Variants in SGCE observed in about 807,000 individuals in gnomAD.
The protein encoded by SGCE is sarcoglycan epsilon.
In SGCE, 26 loss-of-function variants were observed where a neutral mutation model predicts 57.8. That is an observed-to-expected ratio of 0.45 (90% confidence interval 0.33 to 0.62). SGCE has a LOEUF of 0.62. SGCE is among the 20% of genes least tolerant of loss of function. SGCE has a pLI of 0.02. For missense variants in SGCE, 468 were observed against 548.6 expected, an observed-to-expected ratio of 0.85 and a Z score of 1.47; for synonymous variants, 183 against 189.5, an observed-to-expected ratio of 0.97 and a Z score of 0.28.
At chr7:94,609,897 C>T (rs1036177608) in intron 5 of SGCE, among the ~76,000 whole-genome samples, 1 of 152,124 alleles carries the variant, frequency 6.6e-6, no homozygotes, top group Non-Finnish European at 1.5e-5. Context: ...CACACAAAAG[C>T]CTGCACATGG....
At chr7:94,599,748 A>AT (rs1033031886) in intron 7 of SGCE, 25 bp from the exon 8 acceptor site, 5 of 1,462,908 alleles carry the variant, frequency 3.4e-6, no homozygotes, top group Non-Finnish European at 3.8e-6. Context: ...AAATTTATGA[A>AT]TTAAATAATA....
chr7:94,627,129 A>G (rs1339306488), intron 3 of SGCE: 1 of 152,064 alleles, frequency 6.6e-6, no homozygotes, highest in African/African-American at 2.4e-5. Context: ...ATAGATAGAA[A>G]TCACTGAACA....
In SGCE at chr7:94,588,392, G is replaced by A. The variant is rs1036543262; in HGVS notation, c.1297+297C>T. 1.1e-5 allele frequency: 13 copies of A among 1,173,102 alleles called. No homozygotes were observed. The East Asian group carries it at 6.0e-4, about 54-fold the overall frequency. 72.7% of individuals were successfully genotyped at this position (1,173,102 alleles called of 1,614,324 possible). A position where few individuals can be genotyped will look rare whatever the true frequency, so the allele number is the denominator to read the frequency against. ...CCAAGCTAAGAATCTTTCATACCAA[G>A]GGGAAGAATAGGGAACTTCACTGAA... On this transcript the variant is annotated intron_variant, in intron 10 of 10. Coordinates refer to ENST00000648936, the MANE Select transcript of SGCE (RefSeq NM_003919.3).
At chr7:94,654,636 T>C (rs949893776) in intron 1 of SGCE, among the ~76,000 whole-genome samples, 8 of 152,194 alleles carry the variant, frequency 5.3e-5, no homozygotes, top group Admixed American at 1.3e-4. Flanking sequence ...GGGCATTTTC[T>C]AATAAAAAGT....
intron 5 of SGCE, among the ~76,000 whole-genome samples, chr7:94,606,521 T>C (rs1800166831): frequency 6.6e-6 from 1 of 152,164 alleles, no homozygotes; most frequent in Non-Finnish European, 1.5e-5. Context: ...ATGAATCCAC[T>C]ATTATAGCTG....
At chr7:94,630,236 CT>C (rs1372936746) in intron 1 of SGCE, among the ~76,000 whole-genome samples, 2 of 151,480 alleles carry the variant, frequency 1.3e-5, no homozygotes, top group Admixed American at 6.6e-5. Context: ...TTCTTCTTTC[CT>C]TTTTTTTAAA....
chr7:94,650,063 C>T (rs1249435859), intron 1 of SGCE, among the ~76,000 whole-genome samples: 4 of 152,130 alleles, frequency 2.6e-5, no homozygotes, highest in Non-Finnish European at 5.9e-5. Context: ...GATCACCATA[C>T]AGGAAAGAAA....
chr7:94,651,153 C>T (rs1039466111), intron 1 of SGCE, among the ~76,000 whole-genome samples: 2 of 152,150 alleles, frequency 1.3e-5, no homozygotes, highest in African/African-American at 2.4e-5. Flanking sequence ...AGAACTGCCA[C>T]CATACAAAGT....
chr7:94,587,466 C>T (rs1797058666), intron 10 of SGCE: 14 of 1,234,920 alleles, frequency 1.1e-5, no homozygotes, highest in Non-Finnish European at 1.2e-5. Context: ...AGGTTAATAA[C>T]GAAGAAGTTC....
rs1343841524 is a variant in SGCE, at chr7:94,623,748, CAA to C, written c.391-353_391-352del. ...ATGTTCTAAGATTTCAAAAAAAAAA[CAA>C]TAATTTTTGTACTTTTAAATGGAGT... On this transcript the variant is annotated intron_variant, in intron 3 of 10. Transcript: ENST00000648936. 3 of 390,904 alleles carry C rather than the reference CAA, an allele frequency of 7.7e-6. No individual in the cohort carries two copies. The East Asian group carries it at 1.1e-4, about 14-fold the overall frequency. 24.2% of individuals were successfully genotyped at this position (390,904 alleles called of 1,614,324 possible).
intron 6 of SGCE, among the ~76,000 whole-genome samples, chr7:94,601,798 A>G (rs1799317776): frequency 6.6e-6 from 1 of 152,084 alleles, no homozygotes; most frequent in Admixed American, 6.6e-5. Context: ...TTTGTCCTGC[A>G]CATTGGCGGC....
chr7:94,630,296 T>C (rs73425456), intron 1 of SGCE, among the ~76,000 whole-genome samples: 245 of 152,012 alleles, frequency 1.6e-3, no homozygotes, highest in African/African-American at 5.7e-3. Flanking sequence ...ACTATACTAA[T>C]TGTTTTCTAG....
intron 1 of SGCE, chr7:94,639,347 T>C (rs1282588175): frequency 6.5e-7 from 1 of 1,528,780 alleles, no homozygotes; most frequent in Non-Finnish European, 8.8e-7. Context: ...TCACCATCTT[T>C]CATCCCAGCA....
chr7:94,606,297 G>A (rs1208180221), intron 5 of SGCE, among the ~76,000 whole-genome samples: 1 of 152,134 alleles, frequency 6.6e-6, no homozygotes, highest in East Asian at 1.9e-4. Flanking sequence ...GATATACTAT[G>A]CTAACAATAA....
At chr7:94,596,618 G>A (rs867181007) in intron 9 of SGCE, among the ~76,000 whole-genome samples, 14 of 151,998 alleles carry the variant, frequency 9.2e-5, no homozygotes, top group South Asian at 6.2e-4. Flanking sequence ...AAACCTTTAC[G>A]TTACAGTACT....
intron 1 of SGCE, among the ~76,000 whole-genome samples, chr7:94,638,385 A>G (rs1773677741): frequency 6.6e-6 from 1 of 152,218 alleles, no homozygotes; most frequent in Non-Finnish European, 1.5e-5. Context: ...TTCCAGCTAT[A>G]AAAATGTTAG....
At chr7:94,598,439 A>G (rs1358876361) in intron 9 of SGCE, 4 of 259,486 alleles carry the variant, frequency 1.5e-5, no homozygotes, top group Non-Finnish European at 7.5e-6. Flanking sequence ...CTCTAAAAAT[A>G]ATCAATTTGA....
At chr7:94,588,367 C>T in intron 10 of SGCE, 1 of 1,134,430 alleles carries the variant, frequency 8.8e-7, no homozygotes, top group Non-Finnish European at 1.1e-6. Context: ...CTGGATGCAT[C>T]CAAGCTAAGA....
intron 5 of SGCE, among the ~76,000 whole-genome samples, chr7:94,611,535 T>G (rs4729141): frequency 2.6e-5 from 4 of 151,944 alleles, no homozygotes; most frequent in Non-Finnish European, 5.9e-5. Flanking sequence ...GGGTGTGTGG[T>G]GTTGGGATAA....
Sources: gnomAD v4.1 joint callset for allele counts (sites outside exome capture counted in the v4.1 genomes callset) on GRCh38, gnomAD v4.1.1 for gene constraint, MANE v1.5 for transcripts, NCBI Gene and HGNC (gene_info 2026-07-23, HGNC 2026-07-21) for gene names.